The following TRIM77 variants were observed in gnomAD, a reference collection of about 807,000 sequenced individuals.
The protein encoded by TRIM77 is tripartite motif-containing protein 77.
TRIM77 carries 23 observed loss-of-function variants against 31.8 expected under a neutral mutation model. The ratio of observed to expected loss-of-function variants is 0.72; its 90% CI spans 0.52 to 1.02. TRIM77 has a LOEUF of 1.02. TRIM77 is among the 50% of genes least tolerant of loss of function. TRIM77 has a pLI of 0.00. For synonymous variants in TRIM77, 159 were observed against 183.1 expected, an observed-to-expected ratio of 0.87 and a Z score of 1.06; for missense variants, 446 against 539.2, an observed-to-expected ratio of 0.83 and a Z score of 1.71.
Position 89,716,950 on chromosome 11 carries a change from C to G in TRIM77, c.860-429C>G, listed in dbSNP as rs182877334. Among the ~76,000 whole-genome samples, 848 of 151,896 alleles carry G rather than the reference C, an allele frequency of 5.6e-3. 6 individuals carry two copies. Among genetic ancestry groups the G allele is most frequent in the African/African-American group, 0.019 (792 of 41,450 alleles). On this transcript the variant is annotated intron_variant, in intron 5 of 5. Transcript: ENST00000398290. ...AATAAGCTGGCAAATTTTTAGTAGT[C>G]TAGTAAAAATTAAATCAGAGCTTGA...
At position 89,713,455 on chromosome 11, in the gene TRIM77, C is replaced by CAATAAT. The variant is rs71052248; in HGVS notation, c.508-693_508-688dup. 3.8e-4 allele frequency among the ~76,000 whole-genome samples: 46 copies of CAATAAT among 122,388 alleles called. 1 individual carries two copies. Among genetic ancestry groups the CAATAAT allele is most frequent in the Non-Finnish European group, 4.3e-4 (26 of 60,600 alleles). The allele number at this position is 122,388 out of a possible 152,430, so 80.3% of individuals were successfully genotyped here. On this transcript the variant is annotated intron_variant, in intron 2 of 5. Coordinates refer to ENST00000398290, the MANE Select transcript of TRIM77 (RefSeq NM_001146162.1). ...TGGGTGACAAACTGAGACCTTGTCT[C>CAATAAT]AATAATAATAATAATAATAATAATA...
At chr11:89,711,024 T>A (rs1273718894) in intron 1 of TRIM77, among the ~76,000 whole-genome samples, 1 of 152,178 alleles carries the variant, frequency 6.6e-6, no homozygotes, top group African/African-American at 2.4e-5. Context: ...ATGATAGTCA[T>A]TGGCTAACAC....
chr11:89,716,236 A>AT (rs1269057526), intron 5 of TRIM77, among the ~76,000 whole-genome samples: 3 of 152,178 alleles, frequency 2.0e-5, no homozygotes, highest in Non-Finnish European at 4.4e-5. Context: ...TTAAAAAAAA[A>AT]CACTCAAAAA....
At chr11:89,712,152 T>G (rs1025573724) in intron 2 of TRIM77, among the ~76,000 whole-genome samples, 2 of 152,174 alleles carry the variant, frequency 1.3e-5, no homozygotes, top group Non-Finnish European at 2.9e-5. Context: ...TTAAACAACA[T>G]TTTTATTCTC....
At chr11:89,713,375 G>C (rs1213019852) in intron 2 of TRIM77, among the ~76,000 whole-genome samples, 2 of 148,836 alleles carry the variant, frequency 1.3e-5, no homozygotes, top group Non-Finnish European at 3.0e-5. Flanking sequence ...AGGATCTCCT[G>C]AGCCCAGGAA....
At chr11:89,716,274 C>G (rs1320581440) in intron 5 of TRIM77, among the ~76,000 whole-genome samples, 2 of 151,990 alleles carry the variant, frequency 1.3e-5, no homozygotes, top group East Asian at 3.9e-4. Context: ...ATAAATAAAG[C>G]ATTCATTTTT....
Position 89,717,454 on chromosome 11 carries a change from G to C in TRIM77, c.935G>C (p.Ser312Thr), listed in dbSNP as rs190920551. The stretch of plus-strand genomic sequence containing the variant: ...GAAGACCTAAGGCATTTGCAGTGCA[G>C]CCTTGATGATACAGACATGTCCTGT... ...LFEDLRHLQC[S>T]LDDTDMSCNP... Residue 312 changes from serine to threonine, a missense_variant, in exon 6 of 6, where the codon AGC (serine) becomes ACC (threonine). Physicochemically the swap from Ser to Thr is moderately conservative, Grantham distance 58. Coordinates refer to ENST00000398290, the MANE Select transcript of TRIM77 (RefSeq NM_001146162.1). The C allele has an allele frequency of 2.4e-5, 37 of 1,551,538 alleles. No individual in the cohort carries two copies. The African/African-American group carries it at 4.8e-4, about 20-fold the overall frequency.
Position 89,717,518 on chromosome 11 carries a change from T to C in TRIM77, c.999T>C (p.Ala333=), listed in dbSNP as rs183940136. The change falls in exon 6 of 6, where the codon GCT becomes GCC. Residue 333 remains alanine (A), a synonymous_variant. Coordinates refer to ENST00000398290, the MANE Select transcript of TRIM77 (RefSeq NM_001146162.1). ...TSTQYTSSWG[A]QILSSGKHYW... is the part of the protein sequence containing the mutation. Reference sequence around the variant, plus strand: ...CACAGTATACTTCTTCATGGGGAGCTCAGATCCTCAGCTCTGGCAAACATT... The same window carrying C: ...CACAGTATACTTCTTCATGGGGAGCCCAGATCCTCAGCTCTGGCAAACATT... 4,344 of 1,551,476 alleles carry C rather than the reference T, an allele frequency of 2.8e-3. 18 individuals carry two copies. The highest frequency in any genetic ancestry group is 7.5e-3 in the East Asian group (305 of 40,892).
intron 2 of TRIM77, 102 bp downstream of exon 2, chr11:89,711,607 C>T (rs542065351): frequency 7.8e-6 from 5 of 643,642 alleles, no homozygotes; most frequent in South Asian, 2.0e-5. Context: ...ATAGGATGAT[C>T]AGAAAAAGGA....
At position 89,717,553 on chromosome 11, in the gene TRIM77, T is replaced by G. The variant is rs1949170455; in HGVS notation, c.1034T>G (p.Val345Gly). 22 of 1,550,956 alleles carry G rather than the reference T, an allele frequency of 1.4e-5. No homozygotes were observed. Among genetic ancestry groups the G allele is most frequent in the Non-Finnish European group, 1.9e-5 (22 of 1,146,826 alleles). Reference protein sequence around the residue: ...ILSSGKHYWEVDVKDSCNWVI... With the variant: ...ILSSGKHYWEGDVKDSCNWVI... Reference sequence around the variant, plus strand: ...AGCTCTGGCAAACATTACTGGGAGGTGGATGTGAAAGACTCTTGTAATTGG... The same window carrying G: ...AGCTCTGGCAAACATTACTGGGAGGGGGATGTGAAAGACTCTTGTAATTGG... The change falls in exon 6 of 6, where the codon GTG becomes GGG. Residue 345 changes from valine to glycine, a missense_variant. Physicochemically the swap from Val to Gly is moderately radical, Grantham distance 109. Around this residue, in one of 3 missense-constraint regions of TRIM77, gnomAD observed 366 missense variants for 447.9 expected, o/e 0.82. Coordinates refer to ENST00000398290, the MANE Select transcript of TRIM77 (RefSeq NM_001146162.1).
Position 89,715,627 on chromosome 11 carries a change from A to G in TRIM77, c.762-263A>G, listed in dbSNP as rs1949155580. 2.6e-5 allele frequency among the ~76,000 whole-genome samples: 4 copies of G among 152,182 alleles called. No individual in the cohort carries two copies. The South Asian group carries it at 8.3e-4, about 31-fold the overall frequency. ...ATCAGATTTCAGAAATTAAATGAGT[A>G]TTTCTGCATGGCTCACCTAGGGAAG... On this transcript the variant is annotated intron_variant, in intron 4 of 5. Coordinates refer to ENST00000398290, the MANE Select transcript of TRIM77 (RefSeq NM_001146162.1).
At position 89,714,321 on chromosome 11, in the gene TRIM77, A is replaced by G; in HGVS notation, c.637A>G (p.Lys213Glu). The change falls in exon 3 of 6, where the codon AAG becomes GAG. Residue 213 changes from lysine to glutamate, a missense_variant. Around this residue, in one of 3 missense-constraint regions of TRIM77, gnomAD observed 366 missense variants for 447.9 expected, o/e 0.82. Transcript: ENST00000398290. ...REGRIIFQQL[K>E]RSQTRMAKMG... ...AGGCAGGATAATTTTTCAGCAACTCAAGAGAAGTCAAACTAGAATGGCTAA... is the reference window on the plus strand; with the variant it reads ...AGGCAGGATAATTTTTCAGCAACTCGAGAGAAGTCAAACTAGAATGGCTAA... 2 of 1,551,750 alleles carry G rather than the reference A, an allele frequency of 1.3e-6. No homozygotes were observed. The highest frequency in any genetic ancestry group is 1.7e-6 in the Non-Finnish European group (2 of 1,146,974).
In TRIM77 at chr11:89,714,392, G is replaced by T; in HGVS notation, c.708G>T (p.Met236Ile). Residue 236 changes from methionine (M) to isoleucine (I), a missense_variant, in exon 3 of 6, where the codon ATG becomes ATT. Transcript: ENST00000398290. ...AAATGTATGAGAAACTGAAGGAAATGAGCTGTAAAGCAGATGTGAACCTGC... is the reference window on the plus strand; with the variant it reads ...AAATGTATGAGAAACTGAAGGAAATTAGCTGTAAAGCAGATGTGAACCTGC... ...LREMYEKLKE[M>I]SCKADVNLPQ... 6.4e-7 allele frequency: 1 copy of T among 1,551,564 alleles called. No individual in the cohort carries two copies. The highest frequency in any genetic ancestry group is 8.7e-7 in the Non-Finnish European group (1 of 1,146,916).
intron 4 of TRIM77, among the ~76,000 whole-genome samples, chr11:89,715,634 C>T (rs1480724233): frequency 1.3e-5 from 2 of 152,184 alleles, no homozygotes; most frequent in Admixed American, 6.5e-5. Flanking sequence ...AGTATTTCTG[C>T]ATGGCTCACC....
At chr11:89,712,204 C>G (rs981449663) in intron 2 of TRIM77, among the ~76,000 whole-genome samples, 2 of 152,022 alleles carry the variant, frequency 1.3e-5, no homozygotes, top group African/African-American at 4.8e-5. Flanking sequence ...TAAACAGGGA[C>G]CAGTAGAGAA....
intron 1 of TRIM77, 98 bp from the exon 2 acceptor site, chr11:89,711,312 C>T (rs540189442): frequency 4.4e-5 from 26 of 597,486 alleles, no homozygotes; most frequent in Non-Finnish European, 7.4e-5. Context: ...CTGCATTCTG[C>T]ACTCTTTACT....
chr11:89,715,331 C>T (rs140141774), intron 4 of TRIM77, among the ~76,000 whole-genome samples, 151 bp downstream of exon 4: 1,651 of 152,270 alleles, frequency 0.011, 26 homozygotes, highest in African/African-American at 0.038. Context: ...TTGACTACTT[C>T]AGATGAAAGT....
At chr11:89,712,066 A>T (rs748303132) in intron 2 of TRIM77, among the ~76,000 whole-genome samples, 6 of 152,194 alleles carry the variant, frequency 3.9e-5, no homozygotes, top group Non-Finnish European at 8.8e-5. Flanking sequence ...CTAGAATGTG[A>T]ATGCTTAGGT....
chr11:89,717,809 T>C lies in TRIM77; in HGVS notation c.1290T>C (p.Cys430=), dbSNP rs1264676013. The change falls in exon 6 of 6, where the codon TGT becomes TGC. Residue 430 remains cysteine (C), a synonymous_variant. Coordinates refer to ENST00000398290, the MANE Select transcript of TRIM77 (RefSeq NM_001146162.1). ...FVNVAQSSLI[C]SFLSRIFYFP... is the part of the protein sequence containing the mutation. ...ATGTTGCCCAAAGTTCCCTCATTTG[T>C]AGTTTCCTCTCACGCATCTTCTATT... is the stretch of plus-strand genomic sequence containing the variant. 6.4e-7 allele frequency: 1 copy of C among 1,550,638 alleles called. No individual in the cohort carries two copies. The highest frequency in any genetic ancestry group is 8.7e-7 in the Non-Finnish European group (1 of 1,146,474).
Sources: allele counts gnomAD v4.1 joint callset (sites outside exome capture counted in the v4.1 genomes callset), GRCh38; gene constraint gnomAD v4.1.1; regional missense constraint gnomAD v4.1.1; transcripts MANE v1.5; gene names NCBI Gene and HGNC (gene_info 2026-07-23, HGNC 2026-07-21).